Variants in MIS18A observed in about 807,000 individuals in gnomAD.
The protein encoded by MIS18A is MIS18 kinetochore protein A, also known as protein Mis18-alpha.
MIS18A carries 14 observed loss-of-function variants against 25.0 expected under a neutral mutation model. The ratio of observed to expected loss-of-function variants is 0.56; its 90% CI spans 0.37 to 0.88. MIS18A has a LOEUF of 0.88. MIS18A is among the 40% of genes least tolerant of loss of function. The pLI, the probability that MIS18A is intolerant of heterozygous loss-of-function variation, is 0.00. For missense variants in MIS18A, 292 were observed against 290.8 expected, an observed-to-expected ratio of 1.00 and a Z score of -0.03; for synonymous variants, 134 against 118.6, an observed-to-expected ratio of 1.13 and a Z score of -0.84.
the MIS18A span, among the ~76,000 whole-genome samples, chr21:32,253,965 G>A: frequency 2.6e-5 from 4 of 152,222 alleles, no homozygotes; most frequent in Admixed American, 6.5e-5. Context: ...CTGGCTGGGC[G>A]GTGGCTCACG....
At chr21:32,274,960 A>C in intron 1 of MIS18A, 64 bp from the exon 2 acceptor site, 2 of 1,337,474 alleles carry the variant, frequency 1.5e-6, no homozygotes, top group South Asian at 1.3e-5. Context: ...CTGCAGACAG[A>C]GAGTTTCTAA....
chr21:32,253,176 A>C, the MIS18A span, among the ~76,000 whole-genome samples: 1 of 152,094 alleles, frequency 6.6e-6, no homozygotes, highest in African/African-American at 2.4e-5. Context: ...GACCCCCAGC[A>C]TCAGAGTTGT....
chr21:32,199,537 G>A, the MIS18A span, among the ~76,000 whole-genome samples: 3 of 152,242 alleles, frequency 2.0e-5, no homozygotes, highest in East Asian at 3.8e-4. Context: ...GCCGGGCGTG[G>A]TGGCTCATGC....
At chr21:32,193,233 G>A in the MIS18A span, among the ~76,000 whole-genome samples, 2 of 152,034 alleles carry the variant, frequency 1.3e-5, no homozygotes, top group Non-Finnish European at 2.9e-5. Context: ...TGTTTCCCAG[G>A]GACAGTCCTG....
Position 32,277,062 on chromosome 21 carries a change from T to C in MIS18A, c.334+1619A>G, listed in dbSNP as rs538983327. 1.4e-4 allele frequency among the ~76,000 whole-genome samples: 21 copies of C among 152,106 alleles called. No individual in the cohort carries two copies. In the South Asian group the frequency reaches 3.1e-3, roughly 23 times the overall value. On this transcript the variant is annotated intron_variant, in intron 1 of 4. Coordinates refer to ENST00000290130, the MANE Select transcript of MIS18A (RefSeq NM_018944.3). ...TGTATAAACCTTGACAAAATGAAAA[T>C]AATTAAACTAATTCAAATTGGGTAA...
chr21:32,275,024 A>G (rs528213607), intron 1 of MIS18A, 128 bp from the exon 2 acceptor site: 90 of 719,890 alleles, frequency 1.3e-4, no homozygotes, highest in Non-Finnish European at 1.9e-4. Flanking sequence ...CAAACACACA[A>G]AAGAGCGGTT....
the MIS18A span, among the ~76,000 whole-genome samples, chr21:32,238,289 C>T: frequency 6.6e-6 from 1 of 152,266 alleles, no homozygotes; most frequent in East Asian, 1.9e-4. Context: ...GTGACAATAA[C>T]CCCCCAAATC....
the MIS18A span, among the ~76,000 whole-genome samples, chr21:32,203,978 A>G: frequency 6.6e-6 from 1 of 151,974 alleles, no homozygotes; most frequent in Non-Finnish European, 1.5e-5. Flanking sequence ...CAATCATTAG[A>G]CTCATGGATT....
the MIS18A span, among the ~76,000 whole-genome samples, chr21:32,189,252 C>G: frequency 0.012 from 1,901 of 152,284 alleles, 34 homozygotes; most frequent in African/African-American, 0.042. Context: ...CTCCCTGTCT[C>G]ATACTTCACT....
the MIS18A span, among the ~76,000 whole-genome samples, chr21:32,183,057 T>C: frequency 2.0e-5 from 3 of 152,158 alleles, no homozygotes; most frequent in African/African-American, 4.8e-5. Context: ...GATGATATTA[T>C]AGAAAAGCAA....
At chr21:32,177,375 T>C in the MIS18A span, among the ~76,000 whole-genome samples, 5 of 152,118 alleles carry the variant, frequency 3.3e-5, no homozygotes, top group South Asian at 1.0e-3. Context: ...TACTGAAAAC[T>C]TTCCATCTGA....
At chr21:32,258,855 TTTA>T in the MIS18A span, among the ~76,000 whole-genome samples, 1 of 137,272 alleles carries the variant, frequency 7.3e-6, no homozygotes, top group South Asian at 2.3e-4. Flanking sequence ...TATTTATTTA[TTTA>T]TTTATTTATT....
chr21:32,226,087 A>G, the MIS18A span, among the ~76,000 whole-genome samples: 1 of 124,914 alleles, frequency 8.0e-6, no homozygotes, highest in Non-Finnish European at 1.6e-5. Context: ...CAATGAGATC[A>G]CATGGACACA....
At chr21:32,231,079 A>C in the MIS18A span, among the ~76,000 whole-genome samples, 1 of 151,982 alleles carries the variant, frequency 6.6e-6, no homozygotes, top group South Asian at 2.1e-4. Context: ...CTAACAAAAA[A>C]TACAAAAATT....
At chr21:32,205,554 A>T in the MIS18A span, among the ~76,000 whole-genome samples, 1 of 152,054 alleles carries the variant, frequency 6.6e-6, no homozygotes, top group South Asian at 2.1e-4. Context: ...TCTAAGACAA[A>T]TCCAATGATC....
chr21:32,159,009 C>T, the MIS18A span, among the ~76,000 whole-genome samples: 1 of 152,074 alleles, frequency 6.6e-6, no homozygotes, highest in African/African-American at 2.4e-5. Flanking sequence ...ACCAAAAATA[C>T]CTCCTTATAT....
At chr21:32,160,832 C>T in the MIS18A span, among the ~76,000 whole-genome samples, 7 of 152,028 alleles carry the variant, frequency 4.6e-5, no homozygotes, top group East Asian at 1.9e-4. Flanking sequence ...GGTTTCTCCA[C>T]GTTGGTCAGA....
chr21:32,259,595 A>G, the MIS18A span, among the ~76,000 whole-genome samples: 1 of 152,184 alleles, frequency 6.6e-6, no homozygotes, highest in Non-Finnish European at 1.5e-5. Context: ...TTCTTTCTTG[A>G]TCACTGAAAG....
chr21:32,157,623 T>G, the MIS18A span, among the ~76,000 whole-genome samples: 2 of 152,152 alleles, frequency 1.3e-5, no homozygotes, highest in Non-Finnish European at 2.9e-5. Context: ...TTTAAATAGT[T>G]ACTTGGTTTT....
Sources: gnomAD v4.1 joint callset for allele counts (sites outside exome capture counted in the v4.1 genomes callset) on GRCh38, gnomAD v4.1.1 for gene constraint, MANE v1.5 for transcripts, NCBI Gene and HGNC (gene_info 2026-07-23, HGNC 2026-07-21) for gene names.